The following TBC1D14 variants were observed in gnomAD, a reference collection of about 807,000 sequenced individuals.
TBC1D14 encodes TBC1 domain family member 14.
In TBC1D14, 26 loss-of-function variants were observed where a neutral mutation model predicts 79.0. That is an observed-to-expected ratio of 0.33 (90% CI 0.24 to 0.46). The LOEUF (loss-of-function observed/expected upper bound fraction) is 0.46. TBC1D14 is among the 20% of genes least tolerant of loss of function. The probability of loss-of-function intolerance (pLI) is 1.00; values close to 1 mark genes in which losing one functional copy is unlikely to be tolerated. For missense variants in TBC1D14, 769 were observed against 887.6 expected, an observed-to-expected ratio of 0.87 and a Z score of 1.70; for synonymous variants, 394 against 349.9, an observed-to-expected ratio of 1.13 and a Z score of -1.40.
chr4:6,960,562 G>C (rs571941369), intron 2 of TBC1D14, among the ~76,000 whole-genome samples: 2 of 152,302 alleles, frequency 1.3e-5, no homozygotes, highest in South Asian at 4.1e-4. Flanking sequence ...AAAAATGCCT[G>C]TTGGCCTCCT....
At chr4:6,916,118 C>T (rs926063655) in intron 1 of TBC1D14, among the ~76,000 whole-genome samples, 2 of 124,824 alleles carry the variant, frequency 1.6e-5, no homozygotes, top group Non-Finnish European at 3.3e-5. Context: ...AAGAGCAAAG[C>T]TCCATCTCAG....
In TBC1D14 at chr4:6,953,182, G is replaced by A. The variant is rs113004161; in HGVS notation, c.723-14122G>A. Among the ~76,000 whole-genome samples the A allele has an allele frequency of 8.7e-5, 13 of 149,840 alleles. No homozygotes were observed. The East Asian group carries it at 2.6e-3, about 30-fold the overall frequency. On this transcript the variant is annotated intron_variant, in intron 2 of 13. Coordinates refer to ENST00000409757, the MANE Select transcript of TBC1D14 (RefSeq NM_020773.3). ...TGGGATTACAGGCACCTACCACCAT[G>A]CCCAGCTAATTTTTGTATTTTTAGT...
chr4:6,999,295 C>T, intron 6 of TBC1D14, 93 bp downstream of exon 6: 1 of 1,107,406 alleles, frequency 9.0e-7, no homozygotes, highest in Non-Finnish European at 1.4e-6. Flanking sequence ...AGCAGTGACA[C>T]CCTGGATGCA....
rs186270925 is a variant in TBC1D14 at position 7,007,813 on chromosome 4, G to T, written c.1446+1087G>T. Reference sequence around the variant, plus strand: ...GCCCCTGCATCGCTCTCTTGGAGCTGCTCCTGTTTCTTGGCCCTTGGAGGG... The same window carrying T: ...GCCCCTGCATCGCTCTCTTGGAGCTTCTCCTGTTTCTTGGCCCTTGGAGGG... On this transcript the variant is annotated intron_variant, in intron 9 of 13. Transcript: ENST00000409757. Among the ~76,000 whole-genome samples, 6 of 152,360 alleles carry T rather than the reference G, an allele frequency of 3.9e-5. No individual in the cohort carries two copies. In the East Asian group the frequency reaches 1.2e-3, roughly 29 times the overall value.
At chr4:7,014,334 G>C in intron 11 of TBC1D14, 114 bp from the exon 12 acceptor site, 1 of 658,024 alleles carries the variant, frequency 1.5e-6, no homozygotes, top group Non-Finnish European at 2.7e-6. Context: ...AAGTGTATTA[G>C]TAATTACAGA....
At chr4:6,978,307 A>G (rs1321980626) in intron 3 of TBC1D14, among the ~76,000 whole-genome samples, 5 of 150,660 alleles carry the variant, frequency 3.3e-5, no homozygotes, top group East Asian at 1.9e-4. Context: ...AAGGGGGGAA[A>G]GGTGGGGAAA....
intron 3 of TBC1D14, among the ~76,000 whole-genome samples, chr4:6,986,031 A>G (rs1717788217): frequency 6.6e-6 from 1 of 152,230 alleles, no homozygotes; most frequent in African/African-American, 2.4e-5. Flanking sequence ...CACCCAAAAA[A>G]GTTCCTTCGT....
chr4:6,997,592 C>T (rs1359093751), intron 5 of TBC1D14, among the ~76,000 whole-genome samples: 1 of 152,102 alleles, frequency 6.6e-6, no homozygotes, highest in Non-Finnish European at 1.5e-5. Context: ...TGCCACTGCA[C>T]TCCAGCCTGG....
intron 12 of TBC1D14, among the ~76,000 whole-genome samples, chr4:7,019,243 A>G (rs1054176430): frequency 6.6e-6 from 1 of 151,978 alleles, no homozygotes; most frequent in Non-Finnish European, 1.5e-5. Flanking sequence ...GATGGTTTCG[A>G]TCTCCTGATC....
intron 2 of TBC1D14, among the ~76,000 whole-genome samples, chr4:6,950,715 G>A (rs945700281): frequency 6.6e-5 from 10 of 152,068 alleles, no homozygotes; most frequent in Non-Finnish European, 1.3e-4. Flanking sequence ...GGTAAAGAAC[G>A]TATTTTTCTA....
At chr4:6,923,337 T>C in intron 1 of TBC1D14, 36 bp from the exon 2 acceptor site, 2 of 1,549,370 alleles carry the variant, frequency 1.3e-6, no homozygotes, top group Non-Finnish European at 8.7e-7. Context: ...TTGAATTTTA[T>C]ATCCACTTTA....
At chr4:6,960,204 A>G (rs141734436) in intron 2 of TBC1D14, among the ~76,000 whole-genome samples, 3 of 149,284 alleles carry the variant, frequency 2.0e-5, no homozygotes, top group East Asian at 2.0e-4. Context: ...ACCTTAGTCT[A>G]CCAAGTAGCT....
intron 3 of TBC1D14, among the ~76,000 whole-genome samples, chr4:6,976,697 T>TA (rs1477734636): frequency 1.3e-5 from 2 of 152,170 alleles, no homozygotes; most frequent in African/African-American, 4.8e-5. Flanking sequence ...AGGAGGAGAC[T>TA]TGGAACATCA....
At chr4:7,027,411 CCACA>C (rs1392202645) in intron 13 of TBC1D14, among the ~76,000 whole-genome samples, 2 of 136,754 alleles carry the variant, frequency 1.5e-5, no homozygotes, top group Non-Finnish European at 3.2e-5. Flanking sequence ...CAATCACCCC[CCACA>C]CACCTACACA....
intron 3 of TBC1D14, among the ~76,000 whole-genome samples, chr4:6,968,451 T>C (rs1560291644): frequency 1.3e-5 from 2 of 152,162 alleles, no homozygotes; most frequent in Admixed American, 6.5e-5. Flanking sequence ...GCAACAACCT[T>C]GTGAAGAAGA....
intron 3 of TBC1D14, among the ~76,000 whole-genome samples, chr4:6,988,930 G>T (rs1019743700): frequency 2.2e-5 from 2 of 90,594 alleles, no homozygotes; most frequent in East Asian, 3.7e-4. Context: ...TTGTCCTGTT[G>T]CCCTGGTGCG....
intron 3 of TBC1D14, among the ~76,000 whole-genome samples, chr4:6,970,262 T>G (rs1158424475): frequency 6.6e-6 from 1 of 152,210 alleles, no homozygotes. Context: ...CTACCAGGGT[T>G]TGTATCCCAG....
chr4:6,957,877 T>G (rs1338438967), intron 2 of TBC1D14, among the ~76,000 whole-genome samples: 1 of 151,780 alleles, frequency 6.6e-6, no homozygotes, highest in African/African-American at 2.4e-5. Flanking sequence ...TACTCCAGCC[T>G]GGGTGACAGA....
chr4:6,982,724 G>A (rs1460008651), intron 3 of TBC1D14, among the ~76,000 whole-genome samples: 1 of 152,196 alleles, frequency 6.6e-6, no homozygotes, highest in African/African-American at 2.4e-5. Context: ...CAGCACAAGT[G>A]ATTGGAAGCT....
Sources: gnomAD v4.1 joint callset for allele counts (sites outside exome capture counted in the v4.1 genomes callset) on GRCh38, gnomAD v4.1.1 for gene constraint, MANE v1.5 for transcripts, NCBI Gene and HGNC (gene_info 2026-07-23, HGNC 2026-07-21) for gene names.